CFH: variants seen among roughly 807,000 people sequenced by gnomAD.
The protein encoded by CFH is complement factor H, also known as H factor 1 (complement).
A neutral mutation model predicts 147.3 loss-of-function variants in CFH; 53 were observed. The observed-to-expected ratio is 0.36, with a 90% CI of 0.29 to 0.45. The LOEUF (loss-of-function observed/expected upper bound fraction) is 0.45. Ranked by LOEUF, CFH falls within the 20% of genes least tolerant of loss-of-function variation. CFH has a pLI of 1.00. For synonymous variants in CFH, 536 were observed against 489.4 expected (o/e 1.10, Z -1.26); for missense variants, 1,380 against 1,498.0 (o/e 0.92, Z 1.30).
chr1:196,701,362 T>C (rs897086647), intron 9 of CFH: 8 of 1,613,682 alleles, frequency 5.0e-6, no homozygotes, highest in Non-Finnish European at 6.8e-6. Context: ...CCTCTCCAGC[T>C]TGAGTGGATC....
intron 7 of CFH, among the ~76,000 whole-genome samples, chr1:196,688,176 T>C (rs557146577): frequency 2.6e-5 from 4 of 152,100 alleles, no homozygotes; most frequent in African/African-American, 9.6e-5. Flanking sequence ...ATTTTGTTAT[T>C]GAAAGTACTA....
Position 196,728,487 on chromosome 1 carries a change from T to A in CFH, c.2378T>A (p.Ile793Lys), listed in dbSNP as rs1383038552. ...GAAGGATGGATACACACAGTCTGCA[T>A]AAATGGAAGATGGGATCCAGAAGTG... is the stretch of plus-strand genomic sequence containing the variant. Reference protein sequence around the residue: ...GKEGWIHTVCINGRWDPEVNC... With the variant: ...GKEGWIHTVCKNGRWDPEVNC... Residue 793 changes from isoleucine to lysine, a missense_variant, in exon 15 of 22, where the codon ATA becomes AAA. Physicochemically the swap from Ile to Lys is moderately radical, Grantham distance 102. Transcript: ENST00000367429. 1.2e-6 allele frequency: 2 copies of A among 1,612,956 alleles called. No individual in the cohort carries two copies. Among genetic ancestry groups the A allele is most frequent in the Admixed American group, 3.3e-5 (2 of 59,946 alleles).
At chr1:196,740,359 G>A (rs1180854358) in intron 17 of CFH, among the ~76,000 whole-genome samples, 1 of 152,072 alleles carries the variant, frequency 6.6e-6, no homozygotes, top group Non-Finnish European at 1.5e-5. Flanking sequence ...GTTTACAGAG[G>A]CATTGTTTAC....
chr1:196,725,442 C>G, intron 12 of CFH, 145 bp downstream of exon 12: 1 of 719,694 alleles, frequency 1.4e-6, no homozygotes, highest in East Asian at 2.7e-5. Flanking sequence ...GTATTGAGTA[C>G]TGAATACCTG....
At chr1:196,740,467 G>A (rs1056934772) in intron 17 of CFH, 152 bp from the exon 18 acceptor site, 5 of 742,780 alleles carry the variant, frequency 6.7e-6, no homozygotes, top group South Asian at 3.7e-5. Flanking sequence ...ACACCAGAAG[G>A]CTAGTTTTAG....
intron 4 of CFH, chr1:196,677,186 A>C (rs1667485854): frequency 3.4e-6 from 1 of 295,646 alleles, no homozygotes; most frequent in Non-Finnish European, 6.5e-6. Flanking sequence ...CTCAAGCTTT[A>C]TATTTCTTAA....
intron 1 of CFH, among the ~76,000 whole-genome samples, chr1:196,657,472 A>G (rs901662418): frequency 3.9e-5 from 6 of 152,174 alleles, no homozygotes; most frequent in Non-Finnish European, 7.4e-5. Flanking sequence ...AAACTTAAGC[A>G]TAGGAAAAAC....
intron 6 of CFH, among the ~76,000 whole-genome samples, chr1:196,682,450 T>C (rs535780473): frequency 6.6e-6 from 1 of 151,836 alleles, no homozygotes; most frequent in Non-Finnish European, 1.5e-5. Flanking sequence ...TGTCTACTGC[T>C]TGAGCATAAT....
At chr1:196,662,470 C>A (rs1666941680) in intron 1 of CFH, among the ~76,000 whole-genome samples, 2 of 151,746 alleles carry the variant, frequency 1.3e-5, no homozygotes, top group African/African-American at 4.9e-5. Flanking sequence ...TTACCATTTT[C>A]TTTGTTTTTC....
At position 196,713,725 on chromosome 1, in the gene CFH, T is replaced by C. The variant is rs1326303176; in HGVS notation, c.1337-10T>C. On this transcript the variant is annotated splice_polypyrimidine_tract_variant and intron_variant, in intron 9 of 21. Transcript: ENST00000367429. ...TATGCTTGTCTTTTTCTTATTCTCT[T>C]CCCTTTTAGAAACATGTTCCAAATC... is the stretch of plus-strand genomic sequence containing the variant. 6.5e-7 allele frequency: 1 copy of C among 1,533,332 alleles called. No individual in the cohort carries two copies. Among genetic ancestry groups the C allele is most frequent in the Non-Finnish European group, 9.0e-7 (1 of 1,109,694 alleles). 95.0% of individuals were successfully genotyped at this position (1,533,332 alleles called of 1,614,324 possible). A position where few individuals can be genotyped will look rare whatever the true frequency, so the allele number is the denominator to read the frequency against.
rs748607647 is a variant in CFH at position 196,726,975 on chromosome 1, A to G, written c.2236+35A>G. 25 of 1,577,310 alleles carry G rather than the reference A, an allele frequency of 1.6e-5. 2 individuals carry two copies. The Middle Eastern group carries it at 3.3e-3, about 210-fold the overall frequency. The stretch of plus-strand genomic sequence containing the variant: ...CCCTTCTTAAATCAACATTTAACAA[A>G]GTTTAATATTTTTATTGTAACAACA... On this transcript the variant is annotated intron_variant, in intron 14 of 21. Coordinates refer to ENST00000367429, the MANE Select transcript of CFH (RefSeq NM_000186.4).
rs1198728837 is a variant in CFH at position 196,726,635 on chromosome 1, C to G, written c.2039C>G (p.Thr680Ser). The G allele has an allele frequency of 6.2e-7, 1 of 1,611,416 alleles. No homozygotes were observed. The highest frequency in any genetic ancestry group is 1.7e-5 in the Admixed American group (1 of 59,980). The change falls in exon 13 of 22, where the codon ACT becomes AGT. Residue 680 changes from threonine to serine, a missense_variant. Physicochemically the swap from Thr to Ser is moderately conservative, Grantham distance 58 (BLOSUM62 1). Around this residue, in one of 4 missense-constraint regions of CFH, gnomAD observed 830 missense variants for 821.4 expected, o/e 1.01. Transcript: ENST00000367429. ...KIQCVDGEWT[T>S]LPVCIVEEST... ...CAATGTGTTGATGGAGAGTGGACAA[C>G]TTTACCAGTGTGTATTGGTAATGTA...
At position 196,652,174 on chromosome 1, in the gene CFH, A is replaced by T; in HGVS notation, c.57A>T (p.Glu19Asp). 6.2e-7 allele frequency: 1 copy of T among 1,607,020 alleles called. No homozygotes were observed. Among genetic ancestry groups the T allele is most frequent in the Non-Finnish European group, 8.5e-7 (1 of 1,173,724 alleles). ...CLMLWAICVA[E>D]DCNELPPRRN... ...TGTTATGGGCTATTTGTGTAGCAGAAGGTAAGATTAAAAGAGACTCTTTTC... is the reference window on the plus strand; with the variant it reads ...TGTTATGGGCTATTTGTGTAGCAGATGGTAAGATTAAAAGAGACTCTTTTC... Residue 19 changes from glutamate (E) to aspartate (D), a missense_variant and splice_region_variant, in exon 1 of 22, where the codon GAA becomes GAT. Glu to Asp is a conservative substitution (Grantham distance 45, BLOSUM62 2). Transcript: ENST00000367429.
Position 196,690,112 on chromosome 1 carries a change from A to G in CFH, c.1209A>G (p.Gly403=). 6.2e-7 allele frequency: 1 copy of G among 1,612,522 alleles called. No individual in the cohort carries two copies. Among genetic ancestry groups the G allele is most frequent in the Non-Finnish European group, 8.5e-7 (1 of 1,178,910 alleles). The change falls in exon 9 of 22, where the codon GGA becomes GGG. Residue 403 remains glycine, a synonymous_variant. Transcript: ENST00000367429. The part of the protein sequence containing the change: ...YLENGYNQNH[G]RKFVQGKSID... ...AAAATGGATATAATCAAAATCATGG[A>G]AGAAAGTTTGTACAGGGTAAATCTA... is the stretch of plus-strand genomic sequence containing the variant.
chr1:196,744,444 A>T (rs1410879379), intron 20 of CFH, among the ~76,000 whole-genome samples: 2 of 152,126 alleles, frequency 1.3e-5, no homozygotes, highest in Admixed American at 1.3e-4. Context: ...TAAGGAGATT[A>T]ATTTCGATTC....
chr1:196,679,136 C>T, intron 5 of CFH: 1 of 142,926 alleles, frequency 7.0e-6, no homozygotes, highest in Non-Finnish European at 1.5e-5. Flanking sequence ...AGATGATGGC[C>T]ATTTTTTTTT....
chr1:196,696,257 A>G (rs942793500), intron 9 of CFH, among the ~76,000 whole-genome samples: 2 of 152,130 alleles, frequency 1.3e-5, no homozygotes, highest in Non-Finnish European at 2.9e-5. Context: ...CACAACAAAC[A>G]GTCTCTCAGA....
At chr1:196,713,354 G>A (rs963234121) in intron 9 of CFH, among the ~76,000 whole-genome samples, 15 of 152,060 alleles carry the variant, frequency 9.9e-5, no homozygotes, top group African/African-American at 3.6e-4. Flanking sequence ...TACTCCAATT[G>A]GCTAAATGAG....
chr1:196,739,261 C>A (rs1652714803), intron 17 of CFH, among the ~76,000 whole-genome samples: 1 of 152,202 alleles, frequency 6.6e-6, no homozygotes, highest in Non-Finnish European at 1.5e-5. Flanking sequence ...TGGTGATTAA[C>A]TTTGGCTCCT....
Sources: gnomAD v4.1 joint callset for allele counts (sites outside exome capture counted in the v4.1 genomes callset) on GRCh38, gnomAD v4.1.1 for gene constraint, gnomAD v4.1.1 regional missense constraint, MANE v1.5 for transcripts, NCBI Gene and HGNC (gene_info 2026-07-23, HGNC 2026-07-21) for gene names.